BRD10: variants seen among roughly 807,000 people sequenced by gnomAD.
BRD10 encodes the protein bromodomain containing 10.
At chr9:5,888,519 G>A in the BRD10 span, among the ~76,000 whole-genome samples, 1 of 152,288 alleles carries the variant, frequency 6.6e-6, no homozygotes, top group South Asian at 2.1e-4. Flanking sequence ...TCTTATTCGA[G>A]TTCAAAATGA....
chr9:5,880,999 G>C, the BRD10 span, among the ~76,000 whole-genome samples: 1 of 152,054 alleles, frequency 6.6e-6, no homozygotes, highest in African/African-American at 2.4e-5. Flanking sequence ...CACCACGCTC[G>C]GCCCATTACT....
At chr9:6,007,860 C>G in the BRD10 span, 2 of 1,376,642 alleles carry the variant, frequency 1.5e-6, no homozygotes, top group Non-Finnish European at 1.9e-6. Flanking sequence ...GCGCGAGCCG[C>G]TTCCTCACGG....
the BRD10 span, among the ~76,000 whole-genome samples, chr9:5,935,484 G>A: frequency 1.3e-5 from 2 of 152,164 alleles, no homozygotes; most frequent in Non-Finnish European, 2.9e-5. Context: ...GAGACAATGT[G>A]CTACCATTTT....
the BRD10 span, among the ~76,000 whole-genome samples, chr9:5,926,718 A>G: frequency 1.3e-5 from 2 of 151,950 alleles, no homozygotes; most frequent in Non-Finnish European, 2.9e-5. Flanking sequence ...TTTTTAGTAG[A>G]GACGGGGTTT....
chr9:5,901,475 C>T, the BRD10 span, among the ~76,000 whole-genome samples: 1 of 152,140 alleles, frequency 6.6e-6, no homozygotes, highest in Non-Finnish European at 1.5e-5. Context: ...TACAATCTTG[C>T]AAATTTCTTC....
chr9:5,923,324 AACGGGC>A, the BRD10 span: 4 of 1,568,896 alleles, frequency 2.5e-6, no homozygotes, highest in East Asian at 6.8e-5. Flanking sequence ...AAATTATAAA[AACGGGC>A]ATTTTGTTTA....
chr9:5,973,672 T>G, the BRD10 span, among the ~76,000 whole-genome samples: 9 of 152,098 alleles, frequency 5.9e-5, no homozygotes, highest in Non-Finnish European at 1.0e-4. Flanking sequence ...GAGGATAGCT[T>G]AAGCCCAGGA....
At chr9:5,974,161 A>T in the BRD10 span, among the ~76,000 whole-genome samples, 1 of 152,324 alleles carries the variant, frequency 6.6e-6, no homozygotes, top group South Asian at 2.1e-4. Flanking sequence ...CAGATTACGT[A>T]TACAGGAATG....
At chr9:6,007,174 C>G in the BRD10 span, 1 of 1,605,078 alleles carries the variant, frequency 6.2e-7, no homozygotes, top group Middle Eastern at 1.7e-4. Context: ...GTCAGTCCCA[C>G]CGGGGACCGG....
At chr9:5,966,584 C>G in the BRD10 span, among the ~76,000 whole-genome samples, 3 of 150,450 alleles carry the variant, frequency 2.0e-5, no homozygotes. Context: ...CTTAGCCTCC[C>G]GAGTAGCTGG....
At chr9:5,983,546 G>A in the BRD10 span, among the ~76,000 whole-genome samples, 2 of 152,022 alleles carry the variant, frequency 1.3e-5, no homozygotes, top group Non-Finnish European at 2.9e-5. Flanking sequence ...AAGATAATGA[G>A]AGAAATGAAG....
At chr9:5,931,652 C>T in the BRD10 span, among the ~76,000 whole-genome samples, 1 of 152,114 alleles carries the variant, frequency 6.6e-6, no homozygotes, top group African/African-American at 2.4e-5. Context: ...TATAGTACTT[C>T]ATTCATAATT....
chr9:5,968,491 T>G, the BRD10 span: 1 of 1,611,348 alleles, frequency 6.2e-7, no homozygotes, highest in Non-Finnish European at 8.5e-7. Context: ...AATCAGTTTT[T>G]TTAATTTCAC....
the BRD10 span, chr9:5,922,995 T>C: frequency 6.2e-7 from 1 of 1,614,022 alleles, no homozygotes; most frequent in Non-Finnish European, 8.5e-7. Context: ...TTGGTCCCTT[T>C]CTGGAGAGTA....
the BRD10 span, chr9:5,922,243 G>A: frequency 9.7e-5 from 157 of 1,613,966 alleles, no homozygotes; most frequent in Admixed American, 9.3e-4. Context: ...AACAGTTGAA[G>A]GAACTACCAG....
At chr9:5,975,800 A>G in the BRD10 span, among the ~76,000 whole-genome samples, 1 of 152,210 alleles carries the variant, frequency 6.6e-6, no homozygotes, top group Non-Finnish European at 1.5e-5. Context: ...ACACTTAATC[A>G]TGGGTAAATA....
At chr9:5,955,963 T>G in the BRD10 span, among the ~76,000 whole-genome samples, 3 of 152,300 alleles carry the variant, frequency 2.0e-5, no homozygotes, top group East Asian at 5.8e-4. Flanking sequence ...AATGCCAAGA[T>G]GCCTTTCCTC....
At chr9:5,972,110 T>C in the BRD10 span, among the ~76,000 whole-genome samples, 1 of 152,196 alleles carries the variant, frequency 6.6e-6, no homozygotes, top group Non-Finnish European at 1.5e-5. Flanking sequence ...ACCTTAAGTC[T>C]AGACTTTAAG....
At chr9:5,891,483 C>T in the BRD10 span, among the ~76,000 whole-genome samples, 3 of 152,130 alleles carry the variant, frequency 2.0e-5, no homozygotes, top group East Asian at 1.9e-4. Context: ...GGTCATGTGT[C>T]GAAATCCCCA....
Sources: allele counts gnomAD v4.1 joint callset (sites outside exome capture counted in the v4.1 genomes callset), GRCh38; gene constraint gnomAD v4.1.1; transcripts MANE v1.5; gene names NCBI Gene and HGNC (gene_info 2026-07-23, HGNC 2026-07-21).